The following CYBA variants were observed in gnomAD, a reference collection of about 807,000 sequenced individuals.
The protein encoded by CYBA is cytochrome b-245 light chain.
CYBA carries 21 observed loss-of-function variants against 20.8 expected under a neutral mutation model. That is an observed-to-expected ratio of 1.01 (90% CI 0.72 to 1.46). The LOEUF (loss-of-function observed/expected upper bound fraction) is 1.46, where lower values mean the gene tolerates loss of function less well. Ranked by LOEUF, CYBA falls within the 40% of genes most tolerant of loss-of-function variation. The probability of loss-of-function intolerance (pLI) is 0.00; values close to 1 mark genes in which losing one functional copy is unlikely to be tolerated. For synonymous variants in CYBA, 164 were observed against 127.5 expected (o/e 1.29, Z -1.93); for missense variants, 344 against 287.0 (o/e 1.20, Z -1.43).
chr16:88,646,003 C>T, intron 5 of CYBA, 113 bp downstream of exon 5: 1 of 909,898 alleles, frequency 1.1e-6, no homozygotes, highest in Non-Finnish European at 1.7e-6. Flanking sequence ...CACTTGCTCC[C>T]AGCCTTGGCT....
At position 88,646,184 on chromosome 16, in the gene CYBA, CGGGCACCGAGAGCCTG is replaced by C. The variant is rs1567608830; in HGVS notation, c.288-3_300del. 16 of 1,555,008 alleles carry C rather than the reference CGGGCACCGAGAGCCTG, an allele frequency of 1.0e-5. No homozygotes were observed. Among genetic ancestry groups the C allele is most frequent in the Non-Finnish European group, 1.1e-5 (13 of 1,152,690 alleles). ...AGGATGGTGGCCAGCAGGAAGCCGGCGGGCACCGAGAGCCTGGGGGACAGCGGGTGAGAGGCAGGGA... is the reference window on the plus strand; with the variant it reads ...AGGATGGTGGCCAGCAGGAAGCCGGCGGGGACAGCGGGTGAGAGGCAGGGA... On this transcript the variant is annotated splice_acceptor_variant and splice_polypyrimidine_tract_variant and coding_sequence_variant and intron_variant, in exon 5 of 6. Transcript: ENST00000261623. LOFTEE classifies it high-confidence loss of function.
Position 88,643,470 on chromosome 16 carries a change from C to A in CYBA, c.471G>T (p.Pro157=). The A allele has an allele frequency of 1.3e-6, 2 of 1,532,538 alleles. No individual in the cohort carries two copies. Among genetic ancestry groups the A allele is most frequent in the Non-Finnish European group, 1.7e-6 (2 of 1,144,290 alleles). The allele number at this position is 1,532,538 out of a possible 1,614,324, so 94.9% of individuals were successfully genotyped here. ...TCTTGCGGGCCTCGGCCGGGGGCCG[C>A]GGCGGGGGGTTGCTGGGCGGCTGCT... The part of the protein sequence containing the change: ...TIKQPPSNPP[P]RPPAEARKKP... The change falls in exon 6 of 6, where the codon CCG becomes CCT. Residue 157 remains proline, a synonymous_variant. Transcript: ENST00000261623. The surrounding 1 kb of genome is among the most constrained non-coding windows in gnomAD (Gnocchi z 4.3).
rs900317694 is a variant in CYBA at position 88,643,597 on chromosome 16, G to A, written c.370-26C>T. 33 of 1,524,592 alleles carry A rather than the reference G, an allele frequency of 2.2e-5. No individual in the cohort carries two copies. Among genetic ancestry groups the A allele is most frequent in the Middle Eastern group, 2.3e-4 (1 of 4,340 alleles). The allele number at this position is 1,524,592 out of a possible 1,614,324, so 94.4% of individuals were successfully genotyped here. A position where few individuals can be genotyped will look rare whatever the true frequency, so the allele number is the denominator to read the frequency against. On this transcript the variant is annotated intron_variant, in intron 5 of 5. Coordinates refer to ENST00000261623, the MANE Select transcript of CYBA (RefSeq NM_000101.4). This position sits in a 1 kb window ranked among gnomAD's most constrained non-coding sequence, Gnocchi z 4.3. ...CTGCGGGGCACTGAAGGGTTGAGCC[G>A]CGCCCCAGCGCCCGCCCTCCCTCCC...
chr16:88,647,883 C>A (rs1907345977), intron 2 of CYBA, 162 bp downstream of exon 2: 4 of 696,364 alleles, frequency 5.7e-6, no homozygotes, highest in Non-Finnish European at 7.6e-6. Flanking sequence ...TGGCGAGGGG[C>A]CTGGCTGCTG....
chr16:88,643,473 C>T lies in CYBA; in HGVS notation c.468G>A (p.Pro156=), dbSNP rs964575579. The T allele has an allele frequency of 2.4e-5, 37 of 1,532,410 alleles. No homozygotes were observed. In the African/African-American group the frequency reaches 4.1e-4, roughly 17 times the overall value. 94.9% of individuals were successfully genotyped at this position (1,532,410 alleles called of 1,614,324 possible). The change falls in exon 6 of 6, where the codon CCG becomes CCA. Residue 156 remains proline, a synonymous_variant. Transcript: ENST00000261623. The surrounding 1 kb of genome is among the most constrained non-coding windows in gnomAD (Gnocchi z 4.3). ...TGCGGGCCTCGGCCGGGGGCCGCGG[C>T]GGGGGGTTGCTGGGCGGCTGCTTGA... ...GTIKQPPSNP[P]PRPPAEARKK...
At chr16:88,650,786 G>A in intron 1 of CYBA, 170 bp downstream of exon 1, 1 of 688,754 alleles carries the variant, frequency 1.5e-6, no homozygotes, top group African/African-American at 1.8e-5. Flanking sequence ...CTTCCAGCCC[G>A]CGGCCTGAGG....
At chr16:88,646,979 C>T in intron 3 of CYBA, 122 bp downstream of exon 3, 3 of 1,192,426 alleles carry the variant, frequency 2.5e-6, no homozygotes, top group Non-Finnish European at 3.6e-6. Flanking sequence ...CTTGGTTTAC[C>T]CACAAGCACC....
At chr16:88,644,957 C>T (rs561882765) in intron 5 of CYBA, 23 of 592,952 alleles carry the variant, frequency 3.9e-5, no homozygotes, top group Middle Eastern at 4.5e-4. Flanking sequence ...AGTCCAAGCT[C>T]CACACGGCCA....
At chr16:88,645,770 G>A (rs911542977) in intron 5 of CYBA, 2 of 533,886 alleles carry the variant, frequency 3.7e-6, no homozygotes, top group Non-Finnish European at 6.7e-6. Flanking sequence ...GGACCCAAGC[G>A]CAGGCACGGT....
At chr16:88,644,773 C>T (rs1275648717) in intron 5 of CYBA, 4 of 215,814 alleles carry the variant, frequency 1.9e-5, no homozygotes, top group South Asian at 7.1e-5. Context: ...TGCAGTGAGC[C>T]GAGATCACGC....
intron 5 of CYBA, chr16:88,645,271 G>A (rs1263693340): frequency 2.8e-6 from 2 of 702,470 alleles, no homozygotes; most frequent in East Asian, 5.4e-5. Context: ...TTCTAAAGGA[G>A]AGTTCTGCCG....
chr16:88,645,826 A>G, intron 5 of CYBA: 1 of 557,052 alleles, frequency 1.8e-6, no homozygotes. Flanking sequence ...CACCTCCCTG[A>G]GCCTCCGCAT....
At chr16:88,644,935 C>T (rs936481039) in intron 5 of CYBA, 1 of 576,936 alleles carries the variant, frequency 1.7e-6, no homozygotes, top group Non-Finnish European at 3.1e-6. Flanking sequence ...AATCCACAGT[C>T]AGAGAAGGGC....
At chr16:88,646,734 G>T in intron 4 of CYBA, 21 bp downstream of exon 4, 3 of 1,607,176 alleles carry the variant, frequency 1.9e-6, no homozygotes, top group Non-Finnish European at 2.6e-6. Context: ...GCCCTAGAGG[G>T]GGTGCGGGAC....
In CYBA at chr16:88,645,800, C is replaced by T. The variant is rs867115317; in HGVS notation, c.369+316G>A. 1.4e-4 allele frequency: 79 copies of T among 550,450 alleles called. 2 individuals are homozygous for T. In the South Asian group the frequency reaches 1.7e-3, roughly 12 times the overall value. 34.1% of individuals were successfully genotyped at this position (550,450 alleles called of 1,614,324 possible). Reference sequence around the variant, plus strand: ...CACGGTCTTCGGCCGGCTGCGTGACCCCAGGCCAGTCACAGCACCTCCCTG... The same window carrying T: ...CACGGTCTTCGGCCGGCTGCGTGACTCCAGGCCAGTCACAGCACCTCCCTG... On this transcript the variant is annotated intron_variant, in intron 5 of 5. Coordinates refer to ENST00000261623, the MANE Select transcript of CYBA (RefSeq NM_000101.4).
rs975888280 is a variant in CYBA at position 88,648,087 on chromosome 16, G to A, written c.86C>T (p.Thr29Ile). ...GTACCACTGGGTGAAGCGCCCAGCT[G>A]TGGCCACGATGCCCCCGGTGATGAG... is the stretch of plus-strand genomic sequence containing the variant. The part of the protein sequence containing the change: ...LILITGGIVA[T>I]AGRFTQWYFG... Residue 29 changes from threonine to isoleucine, a missense_variant, in exon 2 of 6, where the codon ACA becomes ATA. Thr to Ile is a moderately conservative substitution (Grantham distance 89). Coordinates refer to ENST00000261623, the MANE Select transcript of CYBA (RefSeq NM_000101.4). 2 of 1,613,086 alleles carry A rather than the reference G, an allele frequency of 1.2e-6. No homozygotes were observed. Among genetic ancestry groups the A allele is most frequent in the Non-Finnish European group, 1.7e-6 (2 of 1,179,858 alleles).
intron 1 of CYBA, among the ~76,000 whole-genome samples, chr16:88,649,333 C>T (rs62048002): frequency 0.12 from 17,615 of 152,210 alleles, 1,183 homozygotes; most frequent in Middle Eastern, 0.23. Flanking sequence ...TGTCTGTCTG[C>T]GTCGGAGGAG....
intron 1 of CYBA, among the ~76,000 whole-genome samples, chr16:88,649,566 T>C (rs72563772): frequency 0.01 from 1,534 of 152,350 alleles, 26 homozygotes; most frequent in African/African-American, 0.035. Flanking sequence ...AGCTGCCTCC[T>C]GGGGCTGCAC....
At chr16:88,648,994 G>A (rs1426305721) in intron 1 of CYBA, among the ~76,000 whole-genome samples, 5 of 141,008 alleles carry the variant, frequency 3.5e-5, no homozygotes, top group African/African-American at 8.0e-5. Flanking sequence ...CTGGAGTTCC[G>A]TGGCGTGATC....
Sources: allele counts gnomAD v4.1 joint callset (sites outside exome capture counted in the v4.1 genomes callset), GRCh38; gene constraint gnomAD v4.1.1; non-coding constraint Gnocchi (gnomAD v3.1); transcripts MANE v1.5; gene names NCBI Gene and HGNC (gene_info 2026-07-23, HGNC 2026-07-21).